Variants in COLEC10 observed in about 807,000 individuals in gnomAD.
The protein encoded by COLEC10 is collectin subfamily member 10.
A neutral mutation model predicts 28.4 loss-of-function variants in COLEC10; 22 were observed. That is an observed-to-expected ratio of 0.78 (90% confidence interval 0.55 to 1.11). The LOEUF is 1.11. COLEC10 is among the 50% of genes least tolerant of loss of function. The pLI is 0.00. For missense variants in COLEC10, 361 were observed against 344.1 expected (o/e 1.05, Z -0.39); for synonymous variants, 125 against 116.1 (o/e 1.08, Z -0.49).
At chr8:119,033,376 C>T (rs1358129647) in intron 2 of COLEC10, among the ~76,000 whole-genome samples, 1 of 151,902 alleles carries the variant, frequency 6.6e-6, no homozygotes, top group Non-Finnish European at 1.5e-5. Flanking sequence ...GCAATGGCAA[C>T]AACAGCCAAA....
chr8:118,998,920 G>A (rs983441304), intron 1 of COLEC10, among the ~76,000 whole-genome samples: 2 of 149,456 alleles, frequency 1.3e-5, no homozygotes, highest in African/African-American at 4.9e-5. Context: ...ATAGCCCATC[G>A]CTATTACAAC....
rs1481754182 is a variant in COLEC10 at position 119,106,982 on chromosome 8, A to C, written c.*791A>C. Among the ~76,000 whole-genome samples the C allele has an allele frequency of 1.3e-5, 2 of 152,208 alleles. No homozygotes were observed. The highest frequency in any genetic ancestry group is 4.8e-5 in the African/African-American group (2 of 41,454). ...AAAAGAAAAAAATGGGGAATTGTTCACAAACAATACTGGTTATAGTTCTCT... is the reference window on the plus strand; with the variant it reads ...AAAAGAAAAAAATGGGGAATTGTTCCCAAACAATACTGGTTATAGTTCTCT... On this transcript the variant is annotated 3_prime_UTR_variant, in exon 6 of 6. Transcript: ENST00000332843.
chr8:119,035,830 G>A (rs1814379860), intron 2 of COLEC10, among the ~76,000 whole-genome samples: 1 of 152,196 alleles, frequency 6.6e-6, no homozygotes, highest in Non-Finnish European at 1.5e-5. Flanking sequence ...GTGTGGTTCG[G>A]CTTTTGAAGT....
At chr8:119,061,669 A>G (rs1016667112) in intron 2 of COLEC10, among the ~76,000 whole-genome samples, 1 of 152,078 alleles carries the variant, frequency 6.6e-6, no homozygotes, top group African/African-American at 2.4e-5. Flanking sequence ...TAGACTTACA[A>G]TGTCTCAAAA....
intron 1 of COLEC10, among the ~76,000 whole-genome samples, chr8:119,069,784 A>T (rs990379303): frequency 3.3e-5 from 5 of 151,216 alleles, no homozygotes; most frequent in Non-Finnish European, 4.4e-5. Flanking sequence ...ATGATGGTTA[A>T]GTAAGTGTTT....
At chr8:119,095,582 A>G (rs997853563) in intron 3 of COLEC10, among the ~76,000 whole-genome samples, 1 of 152,114 alleles carries the variant, frequency 6.6e-6, no homozygotes, top group African/African-American at 2.4e-5. Flanking sequence ...CATGCCTGTA[A>G]TCCTAGCTAC....
the COLEC10 span, among the ~76,000 whole-genome samples, chr8:118,958,646 C>T: frequency 6.6e-6 from 1 of 152,204 alleles, no homozygotes; most frequent in Admixed American, 6.5e-5. Flanking sequence ...AAGTTCAAGG[C>T]CTATGGCTCC....
At chr8:119,091,039 C>T (rs999102689) in intron 2 of COLEC10, 110 bp from the exon 3 acceptor site, 2 of 809,138 alleles carry the variant, frequency 2.5e-6, no homozygotes, top group Admixed American at 2.1e-5. Context: ...TTAGATATCA[C>T]TGGTAGAAGA....
chr8:119,046,889 T>C (rs545413227), intron 2 of COLEC10, among the ~76,000 whole-genome samples: 14 of 152,262 alleles, frequency 9.2e-5, no homozygotes, highest in African/African-American at 3.4e-4. Flanking sequence ...CTTCCTACGG[T>C]CTCATAGGCT....
Position 119,103,913 on chromosome 8 carries a change from T to G in COLEC10, c.442+18T>G. Reference sequence around the variant, plus strand: ...CAAGAATGGTGAGCATATTCTCTTTTGTGTTATGTATCTATTGATAGATCT... The same window carrying G: ...CAAGAATGGTGAGCATATTCTCTTTGGTGTTATGTATCTATTGATAGATCT... On this transcript the variant is annotated intron_variant, in intron 5 of 5. Coordinates refer to ENST00000332843, the MANE Select transcript of COLEC10 (RefSeq NM_006438.5). 1 of 1,478,640 alleles carries G rather than the reference T, an allele frequency of 6.8e-7. No individual in the cohort carries two copies. 91.6% of individuals were successfully genotyped at this position (1,478,640 alleles called of 1,614,324 possible). A position where few individuals can be genotyped will look rare whatever the true frequency, so the allele number is the denominator to read the frequency against.
chr8:119,041,266 A>ATTT (rs35593022), intron 2 of COLEC10, among the ~76,000 whole-genome samples: 10 of 150,546 alleles, frequency 6.6e-5, no homozygotes, highest in African/African-American at 2.4e-4. Context: ...TTGAAGCAGT[A>ATTT]TTTTTTTTTT....
At chr8:119,093,219 T>C (rs1587059919) in intron 3 of COLEC10, among the ~76,000 whole-genome samples, 1 of 152,200 alleles carries the variant, frequency 6.6e-6, no homozygotes, top group Admixed American at 6.5e-5. Flanking sequence ...TGCAGGCAGG[T>C]TGACAGACTG....
At chr8:119,001,764 A>G (rs1187485395) in intron 1 of COLEC10, among the ~76,000 whole-genome samples, 1 of 152,312 alleles carries the variant, frequency 6.6e-6, no homozygotes, top group East Asian at 1.9e-4. Context: ...TTAGCAATAT[A>G]TTGTAGGTAT....
upstream of COLEC10, among the ~76,000 whole-genome samples, chr8:118,992,729 G>T (rs1813522779): frequency 6.6e-6 from 1 of 152,046 alleles, no homozygotes. Flanking sequence ...TCAGTAAATT[G>T]AATATTCTGG....
At chr8:119,001,092 T>C (rs1179194442) in intron 1 of COLEC10, among the ~76,000 whole-genome samples, 1 of 152,140 alleles carries the variant, frequency 6.6e-6, no homozygotes, top group African/African-American at 2.4e-5. Flanking sequence ...CAGTTGGCCT[T>C]TGGGGAGAAT....
At chr8:118,963,333 G>A in the COLEC10 span, among the ~76,000 whole-genome samples, 14 of 152,162 alleles carry the variant, frequency 9.2e-5, no homozygotes, top group Admixed American at 7.9e-4. Context: ...GGATATATCT[G>A]CCACTAGTGT....
intron 3 of COLEC10, among the ~76,000 whole-genome samples, chr8:119,093,873 G>A (rs1815659521): frequency 1.3e-5 from 2 of 152,096 alleles, no homozygotes; most frequent in Admixed American, 6.6e-5. Context: ...AAATGCACAG[G>A]TTAAGATTTC....
At chr8:119,071,166 C>T (rs916281583) in intron 1 of COLEC10, among the ~76,000 whole-genome samples, 3 of 152,170 alleles carry the variant, frequency 2.0e-5, no homozygotes, top group Admixed American at 6.6e-5. Context: ...CCTCACAGCC[C>T]GGCATTGTCT....
At position 119,107,285 on chromosome 8, in the gene COLEC10, G is replaced by T. The variant is rs1032506813; in HGVS notation, c.*1094G>T. Among the ~76,000 whole-genome samples the T allele has an allele frequency of 6.6e-6, 1 of 152,080 alleles. No individual in the cohort carries two copies. Among genetic ancestry groups the T allele is most frequent in the African/African-American group, 2.4e-5 (1 of 41,426 alleles). On this transcript the variant is annotated 3_prime_UTR_variant, in exon 6 of 6. Coordinates refer to ENST00000332843, the MANE Select transcript of COLEC10 (RefSeq NM_006438.5). ...TGGAGATGTCCCTTCTAATACTCTG[G>T]CATCACAGAAATGTGTGAGGCACAG...
Sources: allele counts gnomAD v4.1 joint callset (sites outside exome capture counted in the v4.1 genomes callset), GRCh38; gene constraint gnomAD v4.1.1; transcripts MANE v1.5; gene names NCBI Gene and HGNC (gene_info 2026-07-23, HGNC 2026-07-21).